The following NAALADL2 variants were observed in gnomAD, a reference collection of about 807,000 sequenced individuals.
NAALADL2 encodes the protein inactive N-acetylated-alpha-linked acidic dipeptidase-like protein 2.
A neutral mutation model predicts 87.2 loss-of-function variants in NAALADL2; 76 were observed. The ratio of observed to expected loss-of-function variants is 0.87; its 90% confidence interval spans 0.72 to 1.05. The LOEUF (loss-of-function observed/expected upper bound fraction) is 1.05. Among genes scored for constraint, NAALADL2 ranks in the 50% least tolerant of loss-of-function variants. The probability of loss-of-function intolerance (pLI) is 0.00; values close to 1 mark genes in which losing one functional copy is unlikely to be tolerated. For synonymous variants in NAALADL2, 354 were observed against 331.0 expected, an observed-to-expected ratio of 1.07 and a Z score of -0.75; for missense variants, 1,089 against 945.8, an observed-to-expected ratio of 1.15 and a Z score of -1.99.
intron 1 of NAALADL2, among the ~76,000 whole-genome samples, chr3:174,481,835 A>G (rs1205212857): frequency 6.6e-6 from 1 of 152,092 alleles, no homozygotes; most frequent in African/African-American, 2.4e-5. Flanking sequence ...GTTATCTACC[A>G]AGGAAGATCA....
At chr3:174,593,256 T>C (rs1717564884) in intron 2 of NAALADL2, among the ~76,000 whole-genome samples, 1 of 152,170 alleles carries the variant, frequency 6.6e-6, no homozygotes. Context: ...TCAAATATGG[T>C]ATAGATTCAG....
intron 2 of NAALADL2, among the ~76,000 whole-genome samples, chr3:174,734,823 T>C (rs1211140833): frequency 2.0e-5 from 3 of 152,218 alleles, no homozygotes; most frequent in Non-Finnish European, 4.4e-5. Flanking sequence ...TTCAGAATTA[T>C]TATTTTATTC....
Position 175,774,813 on chromosome 3 carries a change from CAT to C in NAALADL2, c.2189+19396_2189+19397del, listed in dbSNP as rs1282626660. On this transcript the variant is annotated intron_variant, in intron 13 of 13. Transcript: ENST00000454872. ...AAGTAAAAATAAAGTGAAAATATAACATTAATAATTTTTATATTGATTCATGT... is the reference window on the plus strand; with the variant it reads ...AAGTAAAAATAAAGTGAAAATATAACTAATAATTTTTATATTGATTCATGT... The C allele has an allele frequency of 6.6e-5, 10 of 152,044 alleles. No individual in the cohort carries two copies. The East Asian group carries it at 1.2e-3, about 18-fold the overall frequency. 9.4% of individuals were successfully genotyped at this position (152,044 alleles called of 1,614,324 possible).
At chr3:174,510,810 T>A (rs1719554181) in intron 1 of NAALADL2, among the ~76,000 whole-genome samples, 1 of 81,304 alleles carries the variant, frequency 1.2e-5, no homozygotes, top group African/African-American at 3.3e-5. Flanking sequence ...ATTTAAGAGT[T>A]TTTTTTCTTT....
intron 1 of NAALADL2, among the ~76,000 whole-genome samples, chr3:175,035,421 TATAAG>T (rs1753295733): frequency 1.3e-5 from 2 of 152,008 alleles, no homozygotes; most frequent in African/African-American, 4.8e-5. Context: ...AGGAGAGCAA[TATAAG>T]ATAAGACCAA....
At chr3:175,387,345 T>C (rs1391058246) in intron 5 of NAALADL2, among the ~76,000 whole-genome samples, 2 of 152,134 alleles carry the variant, frequency 1.3e-5, no homozygotes, top group Non-Finnish European at 2.9e-5. Context: ...TCCTTCTTCA[T>C]GTATTAGCTA....
At chr3:174,889,495 C>T (rs1730608966) in intron 1 of NAALADL2, among the ~76,000 whole-genome samples, 1 of 152,122 alleles carries the variant, frequency 6.6e-6, no homozygotes, top group Admixed American at 6.5e-5. Flanking sequence ...TATTTCCCTG[C>T]TTCACTGTCT....
rs147812399 is a variant in NAALADL2, at chr3:174,557,644, A to G, written c.-115+7007A>G. On this transcript the variant is annotated intron_variant, in intron 2 of 3. Transcript: ENST00000434257. Reference sequence around the variant, plus strand: ...TTTTCATCCAGTTACTACTGTTCCTAGCTGATTTTTAACATCATGAGGTAG... The same window carrying G: ...TTTTCATCCAGTTACTACTGTTCCTGGCTGATTTTTAACATCATGAGGTAG... 6.7e-3 allele frequency among the ~76,000 whole-genome samples: 1,023 copies of G among 152,256 alleles called. 3 individuals are homozygous for G. The highest frequency in any genetic ancestry group is 1.0e-2 in the Non-Finnish European group (677 of 68,014).
chr3:175,452,932 C>T (rs1044019820), intron 6 of NAALADL2, among the ~76,000 whole-genome samples: 6 of 152,042 alleles, frequency 3.9e-5, no homozygotes, highest in Non-Finnish European at 7.4e-5. Flanking sequence ...CCAAAGGTGA[C>T]GCAGATCTGA....
chr3:175,450,274 A>G (rs971428916), intron 6 of NAALADL2, among the ~76,000 whole-genome samples: 1 of 152,180 alleles, frequency 6.6e-6, no homozygotes, highest in African/African-American at 2.4e-5. Flanking sequence ...ATGAGGTACT[A>G]TAATTTTAAG....
At chr3:175,606,197 C>A (rs1394681661) in intron 10 of NAALADL2, among the ~76,000 whole-genome samples, 1 of 152,074 alleles carries the variant, frequency 6.6e-6, no homozygotes, top group Non-Finnish European at 1.5e-5. Flanking sequence ...TGAGGAAAAC[C>A]TCAGTAGAAA....
At chr3:174,502,145 G>A (rs575850648) in intron 1 of NAALADL2, among the ~76,000 whole-genome samples, 1 of 152,248 alleles carries the variant, frequency 6.6e-6, no homozygotes, top group East Asian at 1.9e-4. Context: ...TTTAATGCAT[G>A]CTTGAAGACC....
intron 5 of NAALADL2, among the ~76,000 whole-genome samples, chr3:175,381,697 T>C (rs535055939): frequency 2.6e-5 from 4 of 152,310 alleles, no homozygotes; most frequent in African/African-American, 9.6e-5. Flanking sequence ...TTGGCTTATA[T>C]GGTTAAATTT....
intron 5 of NAALADL2, among the ~76,000 whole-genome samples, chr3:175,393,569 G>A (rs116073638): frequency 0.018 from 2,714 of 151,978 alleles, 86 homozygotes; most frequent in African/African-American, 0.063. Flanking sequence ...TTAACATGCG[G>A]TGAATCTATT....
chr3:175,604,549 C>T (rs1396953501), intron 10 of NAALADL2, among the ~76,000 whole-genome samples: 1 of 152,070 alleles, frequency 6.6e-6, no homozygotes, highest in African/African-American at 2.4e-5. Flanking sequence ...CATGATCCAC[C>T]TGCCTCAGCC....
intron 11 of NAALADL2, among the ~76,000 whole-genome samples, chr3:175,726,110 C>T (rs551640569): frequency 3.2e-4 from 49 of 152,024 alleles, no homozygotes; most frequent in African/African-American, 9.6e-4. Context: ...AAAGTCAAAA[C>T]ATGACTATAT....
intron 2 of NAALADL2, among the ~76,000 whole-genome samples, chr3:174,668,517 C>T (rs955278907): frequency 1.2e-4 from 19 of 152,082 alleles, no homozygotes; most frequent in Admixed American, 1.2e-3. Flanking sequence ...GTGTGCTGCA[C>T]CCAGTAACTC....
intron 2 of NAALADL2, among the ~76,000 whole-genome samples, chr3:175,103,534 T>C (rs567280897): frequency 3.4e-4 from 52 of 152,304 alleles, no homozygotes; most frequent in African/African-American, 1.2e-3. Context: ...TGTCCATTAA[T>C]CATAGCACTC....
At position 175,071,116 on chromosome 3, in the gene NAALADL2, G is replaced by GTTTGTGCTTGC. The variant is rs1385095439; in HGVS notation, c.44-25674_44-25673insTTTGTGCTTGC. On this transcript the variant is annotated intron_variant, in intron 1 of 13. Coordinates refer to ENST00000454872, the MANE Select transcript of NAALADL2 (RefSeq NM_207015.3). ...TTAGGTCCCTTGAGTGCCAGTTAGT[G>GTTTGTGCTTGC]CACTGCAGGGGCAAGCACAAACACT... 5.7e-4 allele frequency among the ~76,000 whole-genome samples: 86 copies of GTTTGTGCTTGC among 152,188 alleles called. 1 individual carries two copies. Among genetic ancestry groups the GTTTGTGCTTGC allele is most frequent in the African/African-American group, 2.0e-3 (81 of 41,528 alleles).
Sources: allele counts gnomAD v4.1 joint callset (sites outside exome capture counted in the v4.1 genomes callset), GRCh38; gene constraint gnomAD v4.1.1; transcripts MANE v1.5; gene names NCBI Gene and HGNC (gene_info 2026-07-23, HGNC 2026-07-21).